The following FBXO15 variants were observed in gnomAD, a reference collection of about 807,000 sequenced individuals.
FBXO15 encodes F-box protein 15, also known as F-box only protein 15.
Under a neutral mutation model 49.5 loss-of-function variants are expected in FBXO15, and 30 were observed. That is an observed-to-expected ratio of 0.61 (90% CI 0.45 to 0.82). The LOEUF (loss-of-function observed/expected upper bound fraction) is 0.82. FBXO15 is among the 40% of genes least tolerant of loss of function. The pLI, the probability that FBXO15 is intolerant of heterozygous loss-of-function variation, is 0.00. For missense variants in FBXO15, 591 were observed against 631.5 expected, an observed-to-expected ratio of 0.94 and a Z score of 0.69; for synonymous variants, 250 against 232.7, an observed-to-expected ratio of 1.07 and a Z score of -0.68.
chr18:74,112,564 G>A (rs1914074195), intron 8 of FBXO15, among the ~76,000 whole-genome samples: 1 of 152,180 alleles, frequency 6.6e-6, no homozygotes, highest in Non-Finnish European at 1.5e-5. Flanking sequence ...GTGCTTTATG[G>A]TGAGAAACTC....
chr18:74,090,534 G>A (rs1912978133), intron 8 of FBXO15, among the ~76,000 whole-genome samples: 1 of 152,006 alleles, frequency 6.6e-6, no homozygotes, highest in African/African-American at 2.4e-5. Context: ...TTTCGATGTG[G>A]GTGTTTAGTG....
chr18:74,140,280 G>C lies in FBXO15; in HGVS notation c.149C>G (p.Ser50Cys). ...KGPGVKLSAG[S>C]AALRCHAGGG... ...TCCGGCATGGCACCTCAGGGCAGCA[G>C]AGCCTGCAGAAAGCTTGACCCCTGG... The change falls in exon 2 of 10, where the codon TCT becomes TGT. Residue 50 changes from serine to cysteine, a missense_variant. Physicochemically the swap from Ser to Cys is moderately radical, Grantham distance 112. Coordinates refer to ENST00000419743, the MANE Select transcript of FBXO15 (RefSeq NM_001142958.2). The C allele has an allele frequency of 1.9e-6, 3 of 1,551,456 alleles. No individual in the cohort carries two copies. Among genetic ancestry groups the C allele is most frequent in the Non-Finnish European group, 2.6e-6 (3 of 1,146,918 alleles).
At chr18:74,130,017 G>A (rs1161035263) in intron 4 of FBXO15, among the ~76,000 whole-genome samples, 1 of 152,126 alleles carries the variant, frequency 6.6e-6, no homozygotes, top group Admixed American at 6.5e-5. Flanking sequence ...ATCTGTGGAC[G>A]TTCAAGTCCC....
chr18:74,098,752 A>G (rs1443192334), intron 8 of FBXO15: 1 of 152,264 alleles, frequency 6.6e-6, no homozygotes, highest in Non-Finnish European at 1.5e-5. Context: ...ATCCAAATAT[A>G]AGAAGCACAA....
intron 8 of FBXO15, among the ~76,000 whole-genome samples, chr18:74,108,087 AT>A (rs1229320019): frequency 1.3e-5 from 2 of 152,088 alleles, no homozygotes; most frequent in African/African-American, 4.8e-5. Flanking sequence ...CCACATTACT[AT>A]TTTTTGTGGT....
At chr18:74,143,911 C>T (rs1979242120) in intron 1 of FBXO15, among the ~76,000 whole-genome samples, 2 of 152,322 alleles carry the variant, frequency 1.3e-5, no homozygotes, top group South Asian at 2.1e-4. Context: ...CATCACCATC[C>T]AACACTATAC....
At chr18:74,105,367 G>C (rs1324453089) in intron 8 of FBXO15, among the ~76,000 whole-genome samples, 1 of 152,116 alleles carries the variant, frequency 6.6e-6, no homozygotes, top group Admixed American at 6.6e-5. Context: ...ATCTGCAAAA[G>C]TTATATAAAT....
intron 8 of FBXO15, among the ~76,000 whole-genome samples, chr18:74,095,928 G>A (rs573951606): frequency 1.2e-4 from 19 of 152,278 alleles, no homozygotes; most frequent in African/African-American, 4.3e-4. Flanking sequence ...ACAAGAATGA[G>A]ATAGTCCCTG....
chr18:74,073,662 CG>C lies in FBXO15; in HGVS notation c.1331del (p.Pro444ArgfsTer4). 1.9e-6 allele frequency: 3 copies of C among 1,614,102 alleles called. No individual in the cohort carries two copies. Among genetic ancestry groups the C allele is most frequent in the Non-Finnish European group, 1.7e-6 (2 of 1,180,026 alleles). On this transcript the variant is annotated frameshift_variant, in exon 10 of 10. Transcript: ENST00000419743. LOFTEE classifies it low-confidence loss of function (END_TRUNC). Reference sequence around the variant, plus strand: ...GTGTGGCAGGCGATCTCAGGCACACCGGGGAACTGAAACACCAAAAGGGTTT... The same window carrying C: ...GTGTGGCAGGCGATCTCAGGCACACCGGGAACTGAAACACCAAAAGGGTTT... ...HGKPFWCFSS[P>X]VCLRSPATPS...
At chr18:74,085,126 T>C (rs1400960773) in intron 8 of FBXO15, among the ~76,000 whole-genome samples, 2 of 151,752 alleles carry the variant, frequency 1.3e-5, no homozygotes, top group African/African-American at 2.4e-5. Flanking sequence ...CTTCAGAAAA[T>C]GGTTTATAAA....
chr18:74,131,391 G>T (rs537109714), intron 3 of FBXO15, among the ~76,000 whole-genome samples: 40 of 152,278 alleles, frequency 2.6e-4, no homozygotes, highest in Non-Finnish European at 5.0e-4. Flanking sequence ...CAAGTGTATA[G>T]TGAAGCTGGG....
intron 3 of FBXO15, among the ~76,000 whole-genome samples, chr18:74,131,512 C>A (rs373386581): frequency 1.0e-3 from 157 of 152,292 alleles, no homozygotes; most frequent in Middle Eastern, 3.4e-3. Flanking sequence ...AGCCAATAAG[C>A]CTCAATGTTG....
intron 3 of FBXO15, among the ~76,000 whole-genome samples, chr18:74,132,110 G>T (rs1978428865): frequency 6.6e-6 from 1 of 152,184 alleles, no homozygotes; most frequent in Non-Finnish European, 1.5e-5. Context: ...TTATATTAAA[G>T]TGTTTGTGTT....
intron 5 of FBXO15, among the ~76,000 whole-genome samples, chr18:74,126,310 C>T (rs574305926): frequency 6.6e-6 from 1 of 152,308 alleles, no homozygotes; most frequent in African/African-American, 2.4e-5. Context: ...GTATTTCTTC[C>T]CCTCCGTCTT....
At chr18:74,123,206 G>A in intron 8 of FBXO15, 162 bp downstream of exon 8, 2 of 702,196 alleles carry the variant, frequency 2.8e-6, no homozygotes, top group East Asian at 5.5e-5. Flanking sequence ...GGTCCAGTGA[G>A]GACTTTCACA....
intron 8 of FBXO15, among the ~76,000 whole-genome samples, chr18:74,106,675 A>G (rs1052879434): frequency 1.3e-5 from 2 of 152,202 alleles, no homozygotes; most frequent in Admixed American, 6.5e-5. Flanking sequence ...GTTGCTATAA[A>G]AACCATAAAC....
At chr18:74,105,567 G>A (rs1232908355) in intron 8 of FBXO15, among the ~76,000 whole-genome samples, 8 of 151,758 alleles carry the variant, frequency 5.3e-5, no homozygotes, top group Admixed American at 3.3e-4. Flanking sequence ...AGCCTCCTGA[G>A]TAGCTGGGAT....
At chr18:74,137,848 G>A (rs1169669135) in intron 2 of FBXO15, among the ~76,000 whole-genome samples, 1 of 152,182 alleles carries the variant, frequency 6.6e-6, no homozygotes, top group Non-Finnish European at 1.5e-5. Flanking sequence ...ATTTGTGCGT[G>A]TTCATTTTCA....
intron 5 of FBXO15, among the ~76,000 whole-genome samples, chr18:74,126,591 A>C (rs796187137): frequency 6.6e-6 from 1 of 152,232 alleles, no homozygotes; most frequent in African/African-American, 2.4e-5. Context: ...ACTCAGAGAT[A>C]GTGAAAGTTG....
Sources: allele counts gnomAD v4.1 joint callset (sites outside exome capture counted in the v4.1 genomes callset), GRCh38; gene constraint gnomAD v4.1.1; transcripts MANE v1.5; gene names NCBI Gene and HGNC (gene_info 2026-07-23, HGNC 2026-07-21).